Variants in ZFHX3 observed in about 807,000 individuals in gnomAD.
The protein encoded by ZFHX3 is zinc finger homeobox 3.
Under a neutral mutation model 279.1 loss-of-function variants are expected in ZFHX3, and 42 were observed. The observed-to-expected ratio is 0.15, with a 90% confidence interval of 0.12 to 0.19. The LOEUF (loss-of-function observed/expected upper bound fraction) is 0.19. Among genes scored for constraint, ZFHX3 ranks in the 10% least tolerant of loss-of-function variants. ZFHX3 has a pLI of 1.00. For missense variants in ZFHX3, 4,981 were observed against 4,754.0 expected, an observed-to-expected ratio of 1.05 and a Z score of -1.40; for synonymous variants, 2,293 against 1,957.8, an observed-to-expected ratio of 1.17 and a Z score of -4.52.
At chr16:73,372,326 C>T (rs544248300) in intron 3 of ZFHX3, among the ~76,000 whole-genome samples, 1 of 152,226 alleles carries the variant, frequency 6.6e-6, no homozygotes, top group South Asian at 2.1e-4. Flanking sequence ...TTAAAAGGAA[C>T]ATGTGAGACA....
At chr16:73,590,088 T>C (rs1283447503) in intron 2 of ZFHX3, among the ~76,000 whole-genome samples, 2 of 152,166 alleles carry the variant, frequency 1.3e-5, no homozygotes, top group Non-Finnish European at 2.9e-5. Flanking sequence ...AGCAATCCTA[T>C]TGGCATGGGA....
chr16:73,303,359 CT>C (rs1285785842), intron 4 of ZFHX3, among the ~76,000 whole-genome samples: 2 of 152,174 alleles, frequency 1.3e-5, no homozygotes, highest in African/African-American at 2.4e-5. Context: ...AGCTTCTCCA[CT>C]TTGATGAGAA....
chr16:73,174,436 G>A (rs1325043132), intron 5 of ZFHX3, among the ~76,000 whole-genome samples: 2 of 152,144 alleles, frequency 1.3e-5, no homozygotes, highest in African/African-American at 4.8e-5. Context: ...TCTATTCCGC[G>A]ACTCTCTCTC....
At chr16:73,280,405 C>CA (rs1385207908) in intron 4 of ZFHX3, among the ~76,000 whole-genome samples, 16 of 151,978 alleles carry the variant, frequency 1.1e-4, no homozygotes, top group African/African-American at 3.9e-4. Context: ...AACTGAATAG[C>CA]AAAAAAATGC....
chr16:73,412,717 C>T (rs2017495261), intron 3 of ZFHX3, among the ~76,000 whole-genome samples: 1 of 152,204 alleles, frequency 6.6e-6, no homozygotes, highest in South Asian at 2.1e-4. Flanking sequence ...GAGATACAAC[C>T]ACCATGCGTG....
chr16:73,505,616 G>A (rs1452852955), intron 2 of ZFHX3, among the ~76,000 whole-genome samples: 2 of 151,922 alleles, frequency 1.3e-5, no homozygotes, highest in Non-Finnish European at 2.9e-5. Context: ...CAAAGTCAGG[G>A]TAAGAATGAA....
intron 3 of ZFHX3, among the ~76,000 whole-genome samples, chr16:73,437,836 C>T (rs1443996902): frequency 1.3e-5 from 2 of 152,148 alleles, no homozygotes; most frequent in African/African-American, 4.8e-5. Flanking sequence ...AAAGTTTCCC[C>T]ATTATGCATG....
chr16:73,716,605 T>TA (rs1473973857), intron 1 of ZFHX3, among the ~76,000 whole-genome samples: 3 of 132,918 alleles, frequency 2.3e-5, no homozygotes, highest in African/African-American at 5.8e-5. Flanking sequence ...CCAGAATTCT[T>TA]ACTCTGAACA....
chr16:72,896,186 G>A (rs1013596818), intron 3 of ZFHX3, among the ~76,000 whole-genome samples: 4 of 152,170 alleles, frequency 2.6e-5, no homozygotes, highest in African/African-American at 7.2e-5. Flanking sequence ...CAACAGCTAC[G>A]GCTGGAAACG....
At chr16:73,575,459 T>C (rs1253990916) in intron 2 of ZFHX3, among the ~76,000 whole-genome samples, 2 of 152,202 alleles carry the variant, frequency 1.3e-5, no homozygotes, top group Admixed American at 6.5e-5. Flanking sequence ...ACAGGTCATT[T>C]TTCAAGTTAA....
chr16:73,009,290 T>G (rs1451427033), intron 1 of ZFHX3, among the ~76,000 whole-genome samples: 1 of 152,214 alleles, frequency 6.6e-6, no homozygotes, highest in Non-Finnish European at 1.5e-5. Flanking sequence ...TTTCCTACTT[T>G]CTAATTTCTG....
intron 1 of ZFHX3, among the ~76,000 whole-genome samples, chr16:73,814,554 T>C (rs916891525): frequency 6.6e-6 from 1 of 152,096 alleles, no homozygotes; most frequent in Non-Finnish European, 1.5e-5. Context: ...CAATCTTACT[T>C]ACATAGTTCA....
chr16:72,877,360 C>CTGT (rs202232377), intron 4 of ZFHX3, among the ~76,000 whole-genome samples: 4 of 100,900 alleles, frequency 4.0e-5, no homozygotes, highest in Admixed American at 8.6e-5. Flanking sequence ...GTAGGTTTTT[C>CTGT]TGTTGTTGTT....
At chr16:73,531,264 T>C (rs914481658) in intron 2 of ZFHX3, among the ~76,000 whole-genome samples, 3 of 152,210 alleles carry the variant, frequency 2.0e-5, no homozygotes, top group Non-Finnish European at 2.9e-5. Context: ...CAGATGATTC[T>C]CTTCTAACCT....
chr16:73,199,905 G>GA (rs1003603358), intron 5 of ZFHX3, among the ~76,000 whole-genome samples: 89 of 151,822 alleles, frequency 5.9e-4, no homozygotes, highest in African/African-American at 2.0e-3. Flanking sequence ...AGTTCTTAGT[G>GA]AAAAAAAAGA....
At chr16:73,837,702 G>A (rs548750108) in intron 1 of ZFHX3, among the ~76,000 whole-genome samples, 10 of 152,294 alleles carry the variant, frequency 6.6e-5, no homozygotes, top group Admixed American at 1.3e-4. Context: ...GCAATGGCGC[G>A]ATCTCGGCTC....
chr16:73,080,783 T>C (rs1965933882), intron 8 of ZFHX3, among the ~76,000 whole-genome samples: 1 of 152,102 alleles, frequency 6.6e-6, no homozygotes, highest in South Asian at 2.1e-4. Context: ...CTTGCTATGT[T>C]GACCAGGCTC....
At chr16:73,245,250 A>C (rs142287092) in intron 5 of ZFHX3, among the ~76,000 whole-genome samples, 2,522 of 152,290 alleles carry the variant, frequency 0.017, 32 homozygotes, top group Middle Eastern at 0.1. Context: ...ATTCATCTTC[A>C]CATCCCCACT....
chr16:72,807,152 C>G (rs1386307213), intron 7 of ZFHX3: 1 of 152,194 alleles, frequency 6.6e-6, no homozygotes, highest in African/African-American at 2.4e-5. Flanking sequence ...GCTCCTACAT[C>G]TCTTTCACCA....
Sources: allele counts gnomAD v4.1 joint callset (sites outside exome capture counted in the v4.1 genomes callset), GRCh38; gene constraint gnomAD v4.1.1; transcripts MANE v1.5; gene names NCBI Gene and HGNC (gene_info 2026-07-23, HGNC 2026-07-21).